The following ERMARD variants were observed in gnomAD, a reference collection of about 807,000 sequenced individuals.
The protein encoded by ERMARD is ER membrane associated RNA degradation.
A neutral mutation model predicts 83.9 loss-of-function variants in ERMARD; 71 were observed. The ratio of observed to expected loss-of-function variants is 0.85; its 90% CI spans 0.70 to 1.03. ERMARD has a LOEUF of 1.03. ERMARD is among the 50% of genes least tolerant of loss of function. The pLI, the probability that ERMARD is intolerant of heterozygous loss-of-function variation, is 0.00. For synonymous variants in ERMARD, 284 were observed against 298.6 expected (o/e 0.95, Z 0.50); for missense variants, 838 against 810.9 (o/e 1.03, Z -0.41).
chr6:169,771,077 C>CTTTTTTTTTTTTTTTTTTTTTTTTTT (rs60995171), intron 12 of ERMARD: 2 of 141,256 alleles, frequency 1.4e-5, no homozygotes, highest in African/African-American at 2.6e-5. Flanking sequence ...TCTTTTCTTT[C>CTTTTTTTTTTTTTTTTTTTTTTTTTT]TTTTTTTTTT....
chr6:169,779,230 G>A lies in ERMARD; in HGVS notation c.1788G>A (p.Ala596=), dbSNP rs549048349. The change falls in exon 17 of 18, where the codon GCG becomes GCA. Residue 596 remains alanine, a synonymous_variant. Coordinates refer to ENST00000366773, the MANE Select transcript of ERMARD (RefSeq NM_018341.3). ...TCAGCCTGATACTGTTACTCATTGC[G>A]CTGGAGTTGGTCAACATTCATGCTG... ...PVLSLILLLI[A]LELVNIHAVC... The A allele has an allele frequency of 9.9e-6, 16 of 1,614,182 alleles. No homozygotes were observed. Among genetic ancestry groups the A allele is most frequent in the South Asian group, 3.3e-5 (3 of 91,084 alleles).
intron 11 of ERMARD, among the ~76,000 whole-genome samples, chr6:169,768,485 C>T (rs149516782): frequency 2.0e-5 from 3 of 152,292 alleles, no homozygotes; most frequent in East Asian, 3.9e-4. Flanking sequence ...AGGCCGGGTG[C>T]GGTGGCTCAT....
chr6:169,769,826 C>T, intron 12 of ERMARD, 113 bp downstream of exon 12: 1 of 959,870 alleles, frequency 1.0e-6, no homozygotes, highest in Non-Finnish European at 1.5e-6. Flanking sequence ...ATCTGAGTTA[C>T]AGTATCCTCC....
Position 169,773,408 on chromosome 6 carries a change from C to T in ERMARD, c.1317+6C>T. 4 of 1,613,934 alleles carry T rather than the reference C, an allele frequency of 2.5e-6. No homozygotes were observed. The highest frequency in any genetic ancestry group is 3.4e-6 in the Non-Finnish European group (4 of 1,179,864). On this transcript the variant is annotated splice_donor_region_variant and intron_variant, in intron 13 of 17. Coordinates refer to ENST00000366773, the MANE Select transcript of ERMARD (RefSeq NM_018341.3). ...TTTTTCAGCTTAAAAAACAGGTATG[C>T]CAAATGCAGGGTCCCGGGAGGGGCG...
At chr6:169,765,618 T>C (rs375972052) in intron 9 of ERMARD, among the ~76,000 whole-genome samples, 2 of 152,232 alleles carry the variant, frequency 1.3e-5, no homozygotes, top group Admixed American at 1.3e-4. Flanking sequence ...AGAGGGAATT[T>C]TAGGGCTAGC....
In ERMARD at chr6:169,766,537, G is replaced by C; in HGVS notation, c.961-101G>C. The C allele has an allele frequency of 3.6e-6, 3 of 844,486 alleles. No homozygotes were observed. The South Asian group carries it at 5.9e-5, about 17-fold the overall frequency. The allele number at this position is 844,486 out of a possible 1,614,324, so 52.3% of individuals were successfully genotyped here. On this transcript the variant is annotated intron_variant, in intron 9 of 17. Transcript: ENST00000366773. ...TGTTTGTTTTAACAAAAAACTTTGGGATGTGTGGCCATGTACCAGAATTTT... is the reference window on the plus strand; with the variant it reads ...TGTTTGTTTTAACAAAAAACTTTGGCATGTGTGGCCATGTACCAGAATTTT...
chr6:169,767,782 G>A, intron 10 of ERMARD: 1 of 271,796 alleles, frequency 3.7e-6, no homozygotes. Flanking sequence ...CACACACACA[G>A]GCACAGTTGC....
chr6:169,751,399 A>C, upstream of ERMARD: 1 of 1,613,972 alleles, frequency 6.2e-7, no homozygotes, highest in Non-Finnish European at 8.5e-7. Context: ...GAGCCTGCTG[A>C]GGGGTCTGGT....
upstream of ERMARD, chr6:169,751,537 G>A (rs1790076113): frequency 1.4e-5 from 22 of 1,610,426 alleles, 1 homozygote; most frequent in Middle Eastern, 3.3e-4. Flanking sequence ...CCGCGAGGGC[G>A]GAAGTCTCCC....
chr6:169,751,870 G>A, intron 1 of ERMARD: 1 of 703,780 alleles, frequency 1.4e-6, no homozygotes, highest in South Asian at 2.9e-5. Context: ...GGCGGGCCCT[G>A]CCGGCCTCCC....
intron 2 of ERMARD, 68 bp from the exon 3 acceptor site, chr6:169,755,215 T>C (rs964583972): frequency 1.4e-5 from 21 of 1,525,452 alleles, no homozygotes; most frequent in Non-Finnish European, 1.9e-5. Context: ...TTTTCTTTGA[T>C]GATGTAGATA....
chr6:169,759,124 A>T (rs570599998), intron 6 of ERMARD, 59 bp downstream of exon 6: 3 of 1,399,784 alleles, frequency 2.1e-6, no homozygotes, highest in Non-Finnish European at 3.0e-6. Flanking sequence ...AGTTTTTTAA[A>T]TTTTGAATTT....
intron 3 of ERMARD, 56 bp downstream of exon 3, chr6:169,755,478 G>A (rs1254442544): frequency 2.5e-6 from 4 of 1,590,434 alleles, no homozygotes; most frequent in East Asian, 2.2e-5. Flanking sequence ...CTACTTAGAG[G>A]ACGTACTATT....
At chr6:169,756,687 C>T in intron 4 of ERMARD, 32 bp from the exon 5 acceptor site, 1 of 1,573,156 alleles carries the variant, frequency 6.4e-7, no homozygotes, top group Non-Finnish European at 8.7e-7. Context: ...GCTCATAATA[C>T]AACTGTTACA....
rs575431921 is a variant in ERMARD at position 169,757,309 on chromosome 6, C to G, written c.507+501C>G. On this transcript the variant is annotated intron_variant, in intron 5 of 17. Coordinates refer to ENST00000366773, the MANE Select transcript of ERMARD (RefSeq NM_018341.3). ...AGCATATTCTCCCTTCCCACCTTCC[C>G]TTTCAAAATTGCCCCTCCTCCAGCA... 1.8e-4 allele frequency among the ~76,000 whole-genome samples: 28 copies of G among 152,258 alleles called. 1 individual carries two copies. The South Asian group carries it at 5.8e-3, about 32-fold the overall frequency.
At chr6:169,771,616 C>G (rs1792927808) in intron 12 of ERMARD, 1 of 152,186 alleles carries the variant, frequency 6.6e-6, no homozygotes, top group Non-Finnish European at 1.5e-5. Flanking sequence ...CACAGGTTCT[C>G]CCCATCTTCA....
chr6:169,767,978 C>T lies in ERMARD; in HGVS notation c.991-125C>T, dbSNP rs1792431272. The T allele has an allele frequency of 4.3e-6, 3 of 695,860 alleles. No individual in the cohort carries two copies. The South Asian group carries it at 5.5e-5, about 13-fold the overall frequency. The allele number at this position is 695,860 out of a possible 1,614,324, so 43.1% of individuals were successfully genotyped here. A position where few individuals can be genotyped will look rare whatever the true frequency, so the allele number is the denominator to read the frequency against. On this transcript the variant is annotated intron_variant, in intron 10 of 17. Transcript: ENST00000366773. ...TGTTTGCTGAATTTTAAAGACTGTC[C>T]ATTTAATTTGCTTAGACCTTAGATA...
chr6:169,751,628 C>G lies in ERMARD; in HGVS notation c.-30C>G. 1 of 1,575,170 alleles carries G rather than the reference C, an allele frequency of 6.3e-7. No homozygotes were observed. The highest frequency in any genetic ancestry group is 8.6e-7 in the Non-Finnish European group (1 of 1,160,096). On this transcript the variant is annotated 5_prime_UTR_variant, in exon 1 of 18. Transcript: ENST00000366773. ...GGGGCGCGCAGGCGCCTGCGTCATT[C>G]ACGCGCGCCGCAGCGGGGCACCGGA... is the stretch of plus-strand genomic sequence containing the variant.
chr6:169,766,588 A>G, intron 9 of ERMARD, 50 bp from the exon 10 acceptor site: 4 of 1,488,308 alleles, frequency 2.7e-6, no homozygotes, highest in Non-Finnish European at 1.8e-6. Flanking sequence ...GTGTTAGTGT[A>G]TTTGTATTTT....
Sources: allele counts gnomAD v4.1 joint callset (sites outside exome capture counted in the v4.1 genomes callset), GRCh38; gene constraint gnomAD v4.1.1; transcripts MANE v1.5; gene names NCBI Gene and HGNC (gene_info 2026-07-23, HGNC 2026-07-21).